Variants in RALYL observed in about 807,000 individuals in gnomAD.
RALYL encodes the protein RNA-binding Raly-like protein.
In RALYL, 29 loss-of-function variants were observed where a neutral mutation model predicts 35.1. The ratio of observed to expected loss-of-function variants is 0.83; its 90% CI spans 0.61 to 1.13. The LOEUF is 1.13. Among genes scored for constraint, RALYL ranks in the 50% most tolerant of loss-of-function variants. The pLI is 0.00. For missense variants in RALYL, 359 were observed against 360.4 expected, an observed-to-expected ratio of 1.00 and a Z score of 0.03; for synonymous variants, 120 against 127.6, an observed-to-expected ratio of 0.94 and a Z score of 0.40.
chr8:84,584,501 G>T (rs931224355), intron 2 of RALYL, among the ~76,000 whole-genome samples: 2 of 152,028 alleles, frequency 1.3e-5, no homozygotes, highest in African/African-American at 4.8e-5. Flanking sequence ...TACTCAGGAG[G>T]CTGAGGAAGG....
At chr8:84,556,065 A>G (rs2061094989) in intron 2 of RALYL, among the ~76,000 whole-genome samples, 1 of 152,224 alleles carries the variant, frequency 6.6e-6, no homozygotes, top group African/African-American at 2.4e-5. Flanking sequence ...CTTTCATATC[A>G]TGTACATTTG....
intron 1 of RALYL, among the ~76,000 whole-genome samples, chr8:84,230,593 T>C (rs2131421134): frequency 6.6e-6 from 1 of 152,304 alleles, no homozygotes; most frequent in East Asian, 1.9e-4. Context: ...TTAGAATTCT[T>C]ACAAATCCTG....
chr8:84,343,353 A>G lies in RALYL; in HGVS notation c.-24+158929A>G, dbSNP rs1008625939. ...CGGATACATCCTCCTTGCACTTTGA[A>G]AAGCAAATAGAATACATACATTTAT... On this transcript the variant is annotated intron_variant, in intron 1 of 8. Coordinates refer to ENST00000521268, the MANE Select transcript of RALYL (RefSeq NM_173848.7). 3.9e-5 allele frequency among the ~76,000 whole-genome samples: 6 copies of G among 152,220 alleles called. No homozygotes were observed. The East Asian group carries it at 1.2e-3, about 30-fold the overall frequency.
chr8:84,681,842 G>T (rs542382458), intron 2 of RALYL, among the ~76,000 whole-genome samples: 1 of 151,992 alleles, frequency 6.6e-6, no homozygotes, highest in African/African-American at 2.4e-5. Flanking sequence ...TCCTTTTTCC[G>T]CCTGATTGCC....
chr8:84,878,683 CA>C (rs1426705948), intron 7 of RALYL, among the ~76,000 whole-genome samples: 19 of 151,218 alleles, frequency 1.3e-4, no homozygotes, highest in African/African-American at 4.1e-4. Flanking sequence ...ACTGAGTATT[CA>C]AAGCGCTGAT....
At chr8:84,590,522 G>C (rs1564196793) in intron 2 of RALYL, among the ~76,000 whole-genome samples, 3 of 152,178 alleles carry the variant, frequency 2.0e-5, no homozygotes, top group Non-Finnish European at 2.9e-5. Flanking sequence ...ATGAGTGACT[G>C]AATGAGCTCA....
chr8:84,282,805 A>G (rs943119621), intron 1 of RALYL, among the ~76,000 whole-genome samples: 2 of 151,528 alleles, frequency 1.3e-5, no homozygotes, highest in Non-Finnish European at 2.9e-5. Context: ...TTAGATCTAT[A>G]AAATCAGTTG....
At chr8:84,460,147 A>ATGGTAT (rs2050590176) in intron 1 of RALYL, among the ~76,000 whole-genome samples, 1 of 151,738 alleles carries the variant, frequency 6.6e-6, no homozygotes, top group Admixed American at 6.6e-5. Flanking sequence ...AAAGGATAAA[A>ATGGTAT]TGGTATTTTG....
chr8:84,891,095 G>A (rs1328248620), intron 8 of RALYL, among the ~76,000 whole-genome samples: 2 of 152,170 alleles, frequency 1.3e-5, no homozygotes, highest in Non-Finnish European at 2.9e-5. Flanking sequence ...ATGTTCTATG[G>A]GAGGGAGTGA....
intron 2 of RALYL, among the ~76,000 whole-genome samples, chr8:84,530,924 C>T (rs939985929): frequency 2.0e-5 from 3 of 152,130 alleles, no homozygotes; most frequent in Non-Finnish European, 4.4e-5. Context: ...TTGCTATTCC[C>T]TCTGCTCAGA....
Position 84,632,583 on chromosome 8 carries a change from C to CTGTGTGTGTGTG in RALYL, c.256+103026_256+103037dup, listed in dbSNP as rs112708469. 6.9e-5 allele frequency among the ~76,000 whole-genome samples: 10 copies of CTGTGTGTGTGTG among 145,176 alleles called. No individual in the cohort carries two copies. In the South Asian group the frequency reaches 1.1e-3, roughly 16 times the overall value. ...TATTTGGTTGTGACTTTATATAGACCTGTGTGTGTGTGTGTGTGTGTGTGT... is the reference window on the plus strand; with the variant it reads ...TATTTGGTTGTGACTTTATATAGACCTGTGTGTGTGTGTGTGTGTGTGTGTGTGTGTGTGTGT... On this transcript the variant is annotated intron_variant, in intron 2 of 8. Coordinates refer to ENST00000521268, the MANE Select transcript of RALYL (RefSeq NM_173848.7).
intron 1 of RALYL, among the ~76,000 whole-genome samples, chr8:84,320,236 G>A (rs1026992846): frequency 2.6e-5 from 4 of 151,950 alleles, no homozygotes; most frequent in South Asian, 2.1e-4. Context: ...TGTTGTCTGC[G>A]CTAGAGTCAT....
chr8:84,274,971 C>T (rs1222799507), intron 1 of RALYL, among the ~76,000 whole-genome samples: 1 of 152,114 alleles, frequency 6.6e-6, no homozygotes, highest in African/African-American at 2.4e-5. Context: ...AAACAATCAG[C>T]TGAGGCCAGA....
At chr8:84,524,143 G>A (rs539680602) in intron 1 of RALYL, among the ~76,000 whole-genome samples, 5 of 152,082 alleles carry the variant, frequency 3.3e-5, no homozygotes, top group Non-Finnish European at 7.4e-5. Context: ...CAGTGTAAAA[G>A]TGTTCCAGAG....
intron 1 of RALYL, among the ~76,000 whole-genome samples, chr8:84,474,205 G>C (rs998598125): frequency 6.6e-6 from 1 of 152,214 alleles, no homozygotes; most frequent in African/African-American, 2.4e-5. Context: ...GAAATAAAGT[G>C]TTGACTAATG....
rs140679416 is a variant in RALYL, at chr8:84,613,355, T to C, written c.256+83778T>C. On this transcript the variant is annotated intron_variant, in intron 2 of 8. Coordinates refer to ENST00000521268, the MANE Select transcript of RALYL (RefSeq NM_173848.7). Reference sequence around the variant, plus strand: ...TGTTCTTTCACAAAATAATTGATGCTAAACATAATCACAAAATTTGGGCAG... The same window carrying C: ...TGTTCTTTCACAAAATAATTGATGCCAAACATAATCACAAAATTTGGGCAG... Among the ~76,000 whole-genome samples, 3 of 151,746 alleles carry C rather than the reference T, an allele frequency of 2.0e-5. 1 individual carries two copies. Among genetic ancestry groups the C allele is most frequent in the African/African-American group, 7.3e-5 (3 of 41,212 alleles).
At chr8:84,621,795 C>T (rs1210208828) in intron 2 of RALYL, among the ~76,000 whole-genome samples, 1 of 151,970 alleles carries the variant, frequency 6.6e-6, no homozygotes, top group Non-Finnish European at 1.5e-5. Flanking sequence ...TAAATTCAGA[C>T]AGATTCTCAA....
intron 7 of RALYL, among the ~76,000 whole-genome samples, chr8:84,875,410 T>C (rs1295085974): frequency 6.6e-6 from 1 of 152,164 alleles, no homozygotes; most frequent in East Asian, 1.9e-4. Flanking sequence ...ATACCTTCCA[T>C]ATATCTTTTT....
chr8:84,872,493 T>C (rs1840385589), intron 6 of RALYL: 2 of 152,206 alleles, frequency 1.3e-5, no homozygotes, highest in African/African-American at 4.8e-5. Flanking sequence ...TTTTCCCTTA[T>C]AAAATAATTA....
Sources: gnomAD v4.1 joint callset for allele counts (sites outside exome capture counted in the v4.1 genomes callset) on GRCh38, gnomAD v4.1.1 for gene constraint, MANE v1.5 for transcripts, NCBI Gene and HGNC (gene_info 2026-07-23, HGNC 2026-07-21) for gene names.